ZNF415: variants seen among roughly 807,000 people sequenced by gnomAD.
The protein encoded by ZNF415 is zinc finger protein 415.
Under a neutral mutation model 7.3 loss-of-function variants are expected in ZNF415, and 5 were observed. The observed-to-expected ratio is 0.69, with a 90% CI of 0.36 to 1.44. The LOEUF is 1.44. Ranked by LOEUF, ZNF415 falls within the 40% of genes most tolerant of loss-of-function variation. The pLI is 0.04. For synonymous variants in ZNF415, 207 were observed against 226.3 expected (o/e 0.91, Z 0.77); for missense variants, 628 against 664.8 (o/e 0.94, Z 0.61).
intron 1 of ZNF415, among the ~76,000 whole-genome samples, chr19:53,123,339 G>A (rs1601236595): frequency 6.6e-6 from 1 of 152,268 alleles, no homozygotes; most frequent in East Asian, 1.9e-4. Flanking sequence ...GATCCAGACA[G>A]TGGAAGCAGA....
At chr19:53,127,563 T>C (rs143460117) in intron 1 of ZNF415, among the ~76,000 whole-genome samples, 1 of 152,208 alleles carries the variant, frequency 6.6e-6, no homozygotes, top group Non-Finnish European at 1.5e-5. Flanking sequence ...CTGTTATTTC[T>C]ATCTTTCAAA....
At chr19:53,116,567 G>A in intron 2 of ZNF415, 134 bp from the exon 3 acceptor site, 2 of 1,125,350 alleles carry the variant, frequency 1.8e-6, no homozygotes, top group Non-Finnish European at 2.5e-6. Flanking sequence ...CCACACTAAG[G>A]TATTTTTGAG....
At chr19:53,119,109 T>G (rs955769182) in intron 2 of ZNF415, among the ~76,000 whole-genome samples, 12 of 151,762 alleles carry the variant, frequency 7.9e-5, no homozygotes, top group Non-Finnish European at 1.3e-4. Flanking sequence ...TGAACCCCGC[T>G]TCTACTAAAA....
intron 2 of ZNF415, among the ~76,000 whole-genome samples, chr19:53,119,569 G>A (rs182585646): frequency 9.4e-5 from 14 of 149,358 alleles, no homozygotes; most frequent in African/African-American, 3.2e-4. Flanking sequence ...AAAGATCAGA[G>A]CAGAACTAAA....
intron 1 of ZNF415, among the ~76,000 whole-genome samples, chr19:53,127,285 C>G (rs2089306526): frequency 6.6e-6 from 1 of 152,156 alleles, no homozygotes; most frequent in South Asian, 2.1e-4. Flanking sequence ...TCTTGCACTC[C>G]CCAGATAGTC....
intron 1 of ZNF415, among the ~76,000 whole-genome samples, chr19:53,126,465 A>G (rs528215933): frequency 2.8e-3 from 402 of 144,256 alleles, no homozygotes; most frequent in East Asian, 0.012. Flanking sequence ...AATATTATTC[A>G]CAGACCCAGA....
At chr19:53,113,938 G>A (rs1223915488) in intron 3 of ZNF415, among the ~76,000 whole-genome samples, 1 of 152,216 alleles carries the variant, frequency 6.6e-6, no homozygotes, top group Non-Finnish European at 1.5e-5. Context: ...AGGCTCGCCT[G>A]ATATTTTGTA....
At chr19:53,111,170 T>TA (rs2086174434) in intron 3 of ZNF415, among the ~76,000 whole-genome samples, 1 of 151,952 alleles carries the variant, frequency 6.6e-6, no homozygotes, top group South Asian at 2.1e-4. Context: ...TTAATGCCCT[T>TA]ACAGGACAAA....
intron 3 of ZNF415, among the ~76,000 whole-genome samples, chr19:53,111,252 T>A (rs1415137275): frequency 6.6e-6 from 1 of 151,998 alleles, no homozygotes; most frequent in African/African-American, 2.4e-5. Context: ...AGGAACTGAT[T>A]CACCTGGCTC....
At chr19:53,112,599 T>C (rs2086394732) in intron 3 of ZNF415, among the ~76,000 whole-genome samples, 1 of 152,130 alleles carries the variant, frequency 6.6e-6, no homozygotes, top group Non-Finnish European at 1.5e-5. Flanking sequence ...GGTGAGGAAG[T>C]CCTGTGGCAA....
chr19:53,111,340 CTTTTTTTTTT>C (rs61112807), intron 3 of ZNF415, among the ~76,000 whole-genome samples: 3 of 105,120 alleles, frequency 2.9e-5, no homozygotes, highest in East Asian at 2.9e-4. Flanking sequence ...TATGATATTT[CTTTTTTTTTT>C]TTTTTTTTTT....
chr19:53,116,021 A>G (rs1172023295), intron 3 of ZNF415: 3 of 614,464 alleles, frequency 4.9e-6, no homozygotes, highest in East Asian at 5.5e-5. Flanking sequence ...TCCAAGAACT[A>G]CTGAATCAAA....
At chr19:53,123,424 T>C (rs917788150) in intron 1 of ZNF415, 3 of 395,360 alleles carry the variant, frequency 7.6e-6, no homozygotes, top group African/African-American at 6.4e-5. Context: ...GAGTGTGAAA[T>C]GGGAAGTGGG....
chr19:53,130,842 C>T (rs766854270), intron 1 of ZNF415, among the ~76,000 whole-genome samples: 1 of 151,950 alleles, frequency 6.6e-6, no homozygotes, highest in Non-Finnish European at 1.5e-5. Flanking sequence ...GATGGGGTTT[C>T]ACCATCTTTG....
intron 2 of ZNF415, among the ~76,000 whole-genome samples, chr19:53,118,719 G>A (rs10417212): frequency 0.096 from 14,531 of 151,548 alleles, 720 homozygotes; most frequent in East Asian, 0.12. Context: ...GAAATTAAGG[G>A]GGAAATTAAA....
intron 1 of ZNF415, among the ~76,000 whole-genome samples, chr19:53,122,996 C>T (rs946546161): frequency 3.9e-4 from 59 of 152,160 alleles, no homozygotes; most frequent in African/African-American, 1.4e-3. Flanking sequence ...GGGGAGGAGA[C>T]CCAGCCCTGA....
At chr19:53,121,712 G>A (rs1463177182) in intron 2 of ZNF415, among the ~76,000 whole-genome samples, 4 of 151,980 alleles carry the variant, frequency 2.6e-5, no homozygotes, top group African/African-American at 4.8e-5. Context: ...CTGAGCCACC[G>A]TGCTCGGCCT....
At chr19:53,116,250 C>T (rs2087001629) in intron 3 of ZNF415, 63 bp downstream of exon 3, 1 of 1,554,132 alleles carries the variant, frequency 6.4e-7, no homozygotes, top group African/African-American at 1.4e-5. Flanking sequence ...CCAAGAGGCA[C>T]ACAAGGGAAA....
At chr19:53,116,580 C>A in intron 2 of ZNF415, 147 bp from the exon 3 acceptor site, 16 of 943,016 alleles carry the variant, frequency 1.7e-5, no homozygotes, top group Non-Finnish European at 1.9e-5. Flanking sequence ...TTTTTGAGTA[C>A]ATATCTCTCC....
Sources: allele counts gnomAD v4.1 joint callset (sites outside exome capture counted in the v4.1 genomes callset), GRCh38; gene constraint gnomAD v4.1.1; transcripts MANE v1.5; gene names NCBI Gene and HGNC (gene_info 2026-07-23, HGNC 2026-07-21).